The following ZNF141 variants were observed in gnomAD, a reference collection of about 807,000 sequenced individuals.
ZNF141 encodes zinc finger protein 141.
Under a neutral mutation model 11.3 loss-of-function variants are expected in ZNF141, and 7 were observed. The ratio of observed to expected loss-of-function variants is 0.62; its 90% CI spans 0.35 to 1.16. ZNF141 has a LOEUF of 1.16. Among genes scored for constraint, ZNF141 ranks in the 50% most tolerant of loss-of-function variants. The pLI is 0.02. For synonymous variants in ZNF141, 183 were observed against 190.7 expected, an observed-to-expected ratio of 0.96 and a Z score of 0.33; for missense variants, 535 against 554.0, an observed-to-expected ratio of 0.97 and a Z score of 0.34.
chr4:339,699 A>G (rs1427197735), intron 1 of ZNF141, among the ~76,000 whole-genome samples: 1 of 152,240 alleles, frequency 6.6e-6, no homozygotes, highest in East Asian at 1.9e-4. Flanking sequence ...TTAATCTGTT[A>G]ACTAGGTGAT....
At position 376,577 on chromosome 4, in the gene ZNF141, C is replaced by T. The variant is rs77682723; in HGVS notation, c.*2715C>T. Among the ~76,000 whole-genome samples, 4,575 of 152,094 alleles carry T rather than the reference C, an allele frequency of 0.03. 116 individuals carry two copies. The highest frequency in any genetic ancestry group is 0.036 in the Non-Finnish European group (2,460 of 67,900). On this transcript the variant is annotated 3_prime_UTR_variant, in exon 4 of 4. Transcript: ENST00000240499. ...TACTTCTAAAAAATGTTTTACATTT[C>T]TCTTTGAACATGTGGCATCTTTTCC...
intron 3 of ZNF141, among the ~76,000 whole-genome samples, chr4:348,447 T>A (rs887545364): frequency 3.3e-5 from 5 of 152,108 alleles, no homozygotes; most frequent in African/African-American, 9.7e-5. Flanking sequence ...ACAAGGTGGC[T>A]CACACCTGTA....
chr4:343,750 A>G (rs782733151), intron 1 of ZNF141, 32 bp from the exon 2 acceptor site: 2 of 1,438,938 alleles, frequency 1.4e-6, no homozygotes, highest in South Asian at 1.3e-5. Context: ...AAAAAAAAAG[A>G]ACTATGTCCC....
intron 1 of ZNF141, chr4:338,258 C>G: frequency 4.9e-6 from 2 of 411,820 alleles, no homozygotes; most frequent in Non-Finnish European, 8.9e-6. Flanking sequence ...AAGCCGCCCG[C>G]GCGGCGTGCG....
intron 3 of ZNF141, among the ~76,000 whole-genome samples, chr4:367,185 G>A (rs73219210): frequency 0.18 from 27,209 of 152,040 alleles, 3,179 homozygotes; most frequent in African/African-American, 0.33. Flanking sequence ...TTATAATTGT[G>A]TATGACAGCA....
At chr4:366,237 C>T (rs55759971) in intron 3 of ZNF141, among the ~76,000 whole-genome samples, 65,098 of 151,948 alleles carry the variant, frequency 0.43, 14,473 homozygotes, top group African/African-American at 0.55. Flanking sequence ...TGGCCACTTT[C>T]GTAATGTTTT....
intron 3 of ZNF141, among the ~76,000 whole-genome samples, chr4:349,267 CAAA>C (rs549319235): frequency 1.5e-5 from 2 of 134,672 alleles, no homozygotes; most frequent in African/African-American, 2.7e-5. Context: ...GGCCCTGTCT[CAAA>C]AAAAAAAAAA....
rs542613948 is a variant in ZNF141 at position 381,018 on chromosome 4, C to A, written c.*7156C>A. ...CAGCTTTCCTTTCAACTGTCCTTCA[C>A]CACCCCTTTAGCAATTCAGAATATT... On this transcript the variant is annotated 3_prime_UTR_variant, in exon 4 of 4. Transcript: ENST00000240499. Among the ~76,000 whole-genome samples the A allele has an allele frequency of 6.6e-6, 1 of 152,264 alleles. No individual in the cohort carries two copies. The highest frequency in any genetic ancestry group is 2.4e-5 in the African/African-American group (1 of 41,548).
intron 3 of ZNF141, among the ~76,000 whole-genome samples, chr4:369,273 A>T (rs1255891509): frequency 1.3e-5 from 2 of 152,042 alleles, no homozygotes; most frequent in African/African-American, 2.4e-5. Flanking sequence ...TTTGCCCCTT[A>T]TGAGCTTTTA....
In ZNF141 at chr4:337,930, G is replaced by T; in HGVS notation, c.-54G>T. The T allele has an allele frequency of 1.2e-6, 2 of 1,610,318 alleles. No individual in the cohort carries two copies. The highest frequency in any genetic ancestry group is 1.1e-5 in the South Asian group (1 of 91,044). On this transcript the variant is annotated 5_prime_UTR_variant, in exon 1 of 4. Transcript: ENST00000240499. ...CTCAGCCTCCGTCGCTCTGTGACCTGCGGGTATTGGATGATTGGTAGCTAA... is the reference window on the plus strand; with the variant it reads ...CTCAGCCTCCGTCGCTCTGTGACCTTCGGGTATTGGATGATTGGTAGCTAA...
Position 378,241 on chromosome 4 carries a change from T to A in ZNF141, c.*4379T>A, listed in dbSNP as rs556637057. ...ATTTTACATTTAATTTTCTGTGACA[T>A]AGCAAAACATTTTTCCATACAAAAT... On this transcript the variant is annotated 3_prime_UTR_variant, in exon 4 of 4. Transcript: ENST00000240499. 4 of 152,252 alleles carry A rather than the reference T, an allele frequency of 2.6e-5. No individual in the cohort carries two copies. The highest frequency in any genetic ancestry group is 9.6e-5 in the African/African-American group (4 of 41,554). The allele number at this position is 152,252 out of a possible 1,614,324, so 9.4% of individuals were successfully genotyped here.
At position 368,035 on chromosome 4, in the gene ZNF141, C is replaced by G. The variant is rs886174758; in HGVS notation, c.227-4629C>G. On this transcript the variant is annotated intron_variant, in intron 3 of 3. Coordinates refer to ENST00000240499, the MANE Select transcript of ZNF141 (RefSeq NM_003441.4). ...CACATTAAACAACTACCTACTTTTTCTGTTTTCTGGCCCTTTACAAAAACA... is the reference window on the plus strand; with the variant it reads ...CACATTAAACAACTACCTACTTTTTGTGTTTTCTGGCCCTTTACAAAAACA... Among the ~76,000 whole-genome samples the G allele has an allele frequency of 4.6e-5, 7 of 152,248 alleles. No individual in the cohort carries two copies. In the East Asian group the frequency reaches 1.2e-3, roughly 25 times the overall value.
Position 374,151 on chromosome 4 carries a change from T to A in ZNF141, c.*289T>A. ...CAAATGTAAAGAGTGTAACAAAACC[T>A]TTAAACAGCCCTCACCGGTGAATAA... On this transcript the variant is annotated 3_prime_UTR_variant, in exon 4 of 4. Transcript: ENST00000240499. 2.4e-6 allele frequency: 1 copy of A among 417,500 alleles called. No homozygotes were observed. Among genetic ancestry groups the A allele is most frequent in the Non-Finnish European group, 4.4e-6 (1 of 228,562 alleles). 25.9% of individuals were successfully genotyped at this position (417,500 alleles called of 1,614,324 possible). A position where few individuals can be genotyped will look rare whatever the true frequency, so the allele number is the denominator to read the frequency against.
At chr4:360,424 T>C (rs1232404211) in intron 3 of ZNF141, among the ~76,000 whole-genome samples, 1 of 152,220 alleles carries the variant, frequency 6.6e-6, no homozygotes, top group Non-Finnish European at 1.5e-5. Flanking sequence ...TTGCGGCGCA[T>C]GGCATGTCAA....
chr4:349,087 A>C (rs1553850056), intron 3 of ZNF141, among the ~76,000 whole-genome samples: 1 of 151,956 alleles, frequency 6.6e-6, no homozygotes, highest in East Asian at 1.9e-4. Context: ...TGCAAATGGA[A>C]ATGGTTTCTA....
chr4:343,189 T>A (rs1333849172), intron 1 of ZNF141, among the ~76,000 whole-genome samples: 2 of 152,226 alleles, frequency 1.3e-5, no homozygotes, highest in East Asian at 3.9e-4. Flanking sequence ...GAAAGGTGAG[T>A]TCACCCTTTG....
In ZNF141 at chr4:377,424, A is replaced by G. The variant is rs1553854808; in HGVS notation, c.*3562A>G. ...TCTCAGGCTGCAGAACCAACTCATT[A>G]TGAATGTAAAGAGGATTTCTTTTCT... On this transcript the variant is annotated 3_prime_UTR_variant, in exon 4 of 4. Coordinates refer to ENST00000240499, the MANE Select transcript of ZNF141 (RefSeq NM_003441.4). Among the ~76,000 whole-genome samples, 1 of 152,234 alleles carries G rather than the reference A, an allele frequency of 6.6e-6. No individual in the cohort carries two copies. Among genetic ancestry groups the G allele is most frequent in the East Asian group, 1.9e-4 (1 of 5,202 alleles).
chr4:377,557 C>G lies in ZNF141; in HGVS notation c.*3695C>G, dbSNP rs1309804446. On this transcript the variant is annotated 3_prime_UTR_variant, in exon 4 of 4. Transcript: ENST00000240499. ...GCGTTATGGCTAGTTTGTCACTGTT[C>G]TCTTCATTCCACGTAATTTCACGTG... Among the ~76,000 whole-genome samples, 3 of 152,160 alleles carry G rather than the reference C, an allele frequency of 2.0e-5. No homozygotes were observed. The highest frequency in any genetic ancestry group is 7.2e-5 in the African/African-American group (3 of 41,430).
chr4:370,647 A>G (rs1445549777), intron 3 of ZNF141, among the ~76,000 whole-genome samples: 8 of 152,002 alleles, frequency 5.3e-5, no homozygotes, highest in African/African-American at 1.9e-4. Flanking sequence ...CTAAGATTCC[A>G]TTTTTGCCTT....
Sources: allele counts gnomAD v4.1 joint callset (sites outside exome capture counted in the v4.1 genomes callset), GRCh38; gene constraint gnomAD v4.1.1; transcripts MANE v1.5; gene names NCBI Gene and HGNC (gene_info 2026-07-23, HGNC 2026-07-21).